EXOC3: variants seen among roughly 807,000 people sequenced by gnomAD.
The protein encoded by EXOC3 is exocyst complex component 3, also known as SEC6-like 1.
Under a neutral mutation model 73.7 loss-of-function variants are expected in EXOC3, and 21 were observed. That is an observed-to-expected ratio of 0.29 (90% CI 0.20 to 0.41). The LOEUF (loss-of-function observed/expected upper bound fraction) is 0.41. Ranked by LOEUF, EXOC3 falls within the 10% of genes least tolerant of loss-of-function variation. The pLI, the probability that EXOC3 is intolerant of heterozygous loss-of-function variation, is 1.00. For synonymous variants in EXOC3, 410 were observed against 389.1 expected (o/e 1.05, Z -0.63); for missense variants, 842 against 985.1 (o/e 0.85, Z 1.95).
intron 1 of EXOC3, among the ~76,000 whole-genome samples, chr5:444,542 GA>G (rs891100738): frequency 1.3e-5 from 2 of 152,218 alleles, no homozygotes; most frequent in African/African-American, 4.8e-5. Context: ...AATGTCAATG[GA>G]AATGCTGATG....
chr5:466,265 C>T (rs1738148111), intron 12 of EXOC3: 1 of 248,992 alleles, frequency 4.0e-6, no homozygotes, highest in South Asian at 6.3e-5. Context: ...ACAGGGAGTC[C>T]CCAGTACCAG....
At position 464,421 on chromosome 5, in the gene EXOC3, GT is replaced by G; in HGVS notation, c.1776+10del. 1 of 1,612,796 alleles carries G rather than the reference GT, an allele frequency of 6.2e-7. No homozygotes were observed. Among genetic ancestry groups the G allele is most frequent in the Non-Finnish European group, 8.5e-7 (1 of 1,179,160 alleles). On this transcript the variant is annotated intron_variant, in intron 10 of 12. Coordinates refer to ENST00000512944, the MANE Select transcript of EXOC3 (RefSeq NM_007277.5). ...AAAAGCCGTATAAGAAGGTAAGAAG[GT>G]GGGACCTAGTTCCCTCATCACCTTG... is the stretch of plus-strand genomic sequence containing the variant.
intron 9 of EXOC3, chr5:462,538 T>C (rs1269494990): frequency 1.8e-6 from 1 of 543,082 alleles, no homozygotes; most frequent in Non-Finnish European, 3.3e-6. Context: ...CTGTAAGTAT[T>C]AAAGACATCA....
Position 458,051 on chromosome 5 carries a change from G to A in EXOC3, c.1290+26G>A, listed in dbSNP as rs747525097. On this transcript the variant is annotated intron_variant, in intron 6 of 12. Coordinates refer to ENST00000512944, the MANE Select transcript of EXOC3 (RefSeq NM_007277.5). Reference sequence around the variant, plus strand: ...GTACCACCTGCAGGGGACTGGCACAGTTCCGTTTCCTAGGTGGATAGTGGG... The same window carrying A: ...GTACCACCTGCAGGGGACTGGCACAATTCCGTTTCCTAGGTGGATAGTGGG... 1.9e-6 allele frequency: 3 copies of A among 1,606,904 alleles called. No individual in the cohort carries two copies. In the South Asian group the frequency reaches 3.3e-5, roughly 18 times the overall value.
Position 457,830 on chromosome 5 carries a change from G to A in EXOC3, c.1165-70G>A. The A allele has an allele frequency of 2.0e-6, 3 of 1,514,730 alleles. No homozygotes were observed. In the South Asian group the frequency reaches 3.7e-5, roughly 19 times the overall value. The allele number at this position is 1,514,730 out of a possible 1,614,324, so 93.8% of individuals were successfully genotyped here. A position where few individuals can be genotyped will look rare whatever the true frequency, so the allele number is the denominator to read the frequency against. The stretch of plus-strand genomic sequence containing the variant: ...TGGAGCTTGTGCATGCAACTGACCA[G>A]GTAATTGGCATGACCCTCAGGCACC... On this transcript the variant is annotated intron_variant, in intron 5 of 12. Transcript: ENST00000512944.
chr5:464,841 AC>A (rs1467915047), intron 10 of EXOC3: 3 of 532,544 alleles, frequency 5.6e-6, no homozygotes, highest in Non-Finnish European at 1.0e-5. Context: ...CTGTCTGTGG[AC>A]CGAGTGCTCA....
intron 1 of EXOC3, among the ~76,000 whole-genome samples, chr5:444,509 A>G (rs1251138144): frequency 6.6e-6 from 1 of 152,232 alleles, no homozygotes; most frequent in East Asian, 1.9e-4. Context: ...ATCCAGCCCT[A>G]TAATCAAAAT....
chr5:443,217 A>T lies in EXOC3; in HGVS notation c.-130A>T. On this transcript the variant is annotated 5_prime_UTR_variant, in exon 1 of 13. Coordinates refer to ENST00000512944, the MANE Select transcript of EXOC3 (RefSeq NM_007277.5). Reference sequence around the variant, plus strand: ...CCGGAGGCGGAGGCAGCGAAGGCGGAGGGGGCGGCGGGGGCGGCGGCGGCG... The same window carrying T: ...CCGGAGGCGGAGGCAGCGAAGGCGGTGGGGGCGGCGGGGGCGGCGGCGGCG... The T allele has an allele frequency of 7.4e-6, 1 of 134,822 alleles. No homozygotes were observed. Among genetic ancestry groups the T allele is most frequent in the African/African-American group, 2.6e-5 (1 of 39,032 alleles). The allele number at this position is 134,822 out of a possible 1,614,324, so 8.4% of individuals were successfully genotyped here.
At chr5:443,695 C>T (rs1012896694) in intron 1 of EXOC3, among the ~76,000 whole-genome samples, 2 of 151,262 alleles carry the variant, frequency 1.3e-5, no homozygotes, top group African/African-American at 4.9e-5. Context: ...TCCTTCCTGG[C>T]GCAGGTGTCC....
intron 10 of EXOC3, 161 bp downstream of exon 10, chr5:464,573 G>A (rs1738081372): frequency 5.9e-6 from 4 of 681,790 alleles, no homozygotes; most frequent in Non-Finnish European, 9.9e-6. Flanking sequence ...CCACCTCCCT[G>A]GGACGGGGCT....
intron 7 of EXOC3, among the ~76,000 whole-genome samples, chr5:459,960 A>G (rs1737935835): frequency 6.6e-6 from 1 of 152,248 alleles, no homozygotes; most frequent in Non-Finnish European, 1.5e-5. Context: ...CCCATCGTGC[A>G]GTCCAGAAGC....
intron 3 of EXOC3, among the ~76,000 whole-genome samples, chr5:452,193 TCCCTGAGG>T (rs1488247365): frequency 6.6e-6 from 1 of 152,230 alleles, no homozygotes; most frequent in Non-Finnish European, 1.5e-5. Flanking sequence ...GTCCACAAGG[TCCCTGAGG>T]CTCTGTTCAC....
At position 453,652 on chromosome 5, in the gene EXOC3, T is replaced by C. The variant is rs1472918516; in HGVS notation, c.647T>C (p.Ile216Thr). ...TTGCTGGTCTCAGTTGTCAGGATCA[T>C]TGAAAGGGAAGAGAAAATTGACAGG... ...PTLLVSVVRI[I>T]EREEKIDRRI... is the part of the protein sequence containing the mutation. Residue 216 changes from isoleucine (I) to threonine (T), a missense_variant, in exon 4 of 13, where the codon ATT (isoleucine) becomes ACT (threonine). By Grantham distance (89) the Ile-to-Thr change is moderately conservative. Coordinates refer to ENST00000512944, the MANE Select transcript of EXOC3 (RefSeq NM_007277.5). The C allele has an allele frequency of 6.2e-7, 1 of 1,613,896 alleles. No individual in the cohort carries two copies. The highest frequency in any genetic ancestry group is 1.3e-5 in the African/African-American group (1 of 74,998).
intron 1 of EXOC3, 85 bp downstream of exon 1, chr5:443,375 T>C (rs1737397752): frequency 6.5e-6 from 1 of 152,768 alleles, no homozygotes; most frequent in South Asian, 2.0e-4. Flanking sequence ...GTCTCTGGCT[T>C]CCGCGGGGGC....
In EXOC3 at chr5:457,900, T is replaced by G. The variant is rs1485177515; in HGVS notation, c.1165T>G (p.Ser389Ala). The change falls in exon 6 of 13, where the codon TCA (serine) becomes GCA (alanine). Residue 389 changes from serine (S) to alanine (A), a missense_variant and splice_region_variant. Physicochemically the swap from Ser to Ala is moderately conservative, Grantham distance 99. Transcript: ENST00000512944. ...LLDTYMSTLT[S>A]NIIAWLRKAL... is the part of the protein sequence containing the mutation. ...CTCCATGATGCTGAACTTTCTTTAG[T>G]CAAACATCATCGCCTGGCTGCGGAA... 4 of 1,603,418 alleles carry G rather than the reference T, an allele frequency of 2.5e-6. No homozygotes were observed. In the Admixed American group the frequency reaches 6.8e-5, roughly 27 times the overall value.
In EXOC3 at chr5:447,683, G is replaced by A. The variant is rs768086472; in HGVS notation, c.295G>A (p.Val99Ile). The A allele has an allele frequency of 8.2e-6, 13 of 1,590,752 alleles. No homozygotes were observed. The highest frequency in any genetic ancestry group is 1.1e-5 in the Non-Finnish European group (13 of 1,168,444). ...SINTIESLKDVKDAVVQHSQL... is the reference protein window; with the variant it reads ...SINTIESLKDIKDAVVQHSQL... ...CAACACCATTGAGAGCCTCAAGGAC[G>A]TCAAAGACGCCGTGGTGCAGCACAG... Residue 99 changes from valine to isoleucine, a missense_variant, in exon 3 of 13, where the codon GTC becomes ATC. Transcript: ENST00000512944.
At chr5:464,883 T>G (rs1334636935) in intron 10 of EXOC3, 14 of 581,892 alleles carry the variant, frequency 2.4e-5, no homozygotes, top group Non-Finnish European at 4.2e-5. Flanking sequence ...GCGTCTGTCC[T>G]GCTGGGGGCC....
chr5:459,849 G>T (rs530024256), intron 7 of EXOC3, among the ~76,000 whole-genome samples: 1 of 152,356 alleles, frequency 6.6e-6, no homozygotes, highest in African/African-American at 2.4e-5. Flanking sequence ...TCCTCAGAAG[G>T]GCTCCAGGCA....
chr5:453,612 C>T lies in EXOC3; in HGVS notation c.607C>T (p.Arg203Cys), dbSNP rs756589592. 24 of 1,613,752 alleles carry T rather than the reference C, an allele frequency of 1.5e-5. No homozygotes were observed. The highest frequency in any genetic ancestry group is 4.0e-5 in the African/African-American group (3 of 74,884). ...MVLQRSLVTV[R>C]RDPTLLVSVV... ...GCTGCAGAGGTCACTGGTCACTGTC[C>T]GCCGTGACCCCACCTTGCTGGTCTC... Residue 203 changes from arginine to cysteine, a missense_variant, in exon 4 of 13, where the codon CGC becomes TGC. Physicochemically the swap from Arg to Cys is radical, Grantham distance 180 (BLOSUM62 -3). Transcript: ENST00000512944.
Sources: gnomAD v4.1 joint callset for allele counts (sites outside exome capture counted in the v4.1 genomes callset) on GRCh38, gnomAD v4.1.1 for gene constraint, MANE v1.5 for transcripts, NCBI Gene and HGNC (gene_info 2026-07-23, HGNC 2026-07-21) for gene names.